Variants in EHHADH observed in about 807,000 individuals in gnomAD.
EHHADH encodes enoyl-CoA hydratase and 3-hydroxyacyl CoA dehydrogenase, also known as peroxisomal bifunctional enzyme.
Under a neutral mutation model 64.4 loss-of-function variants are expected in EHHADH, and 48 were observed. That is an observed-to-expected ratio of 0.75 (90% CI 0.59 to 0.95). The LOEUF is 0.95. Among genes scored for constraint, EHHADH ranks in the 40% least tolerant of loss-of-function variants. EHHADH has a pLI of 0.00. For missense variants in EHHADH, 854 were observed against 876.6 expected (o/e 0.97, Z 0.33); for synonymous variants, 308 against 326.7 (o/e 0.94, Z 0.62).
chr3:185,238,975 T>C (rs994918586), intron 2 of EHHADH, among the ~76,000 whole-genome samples: 5 of 152,188 alleles, frequency 3.3e-5, no homozygotes, highest in East Asian at 1.9e-4. Context: ...TGGTGAAAGA[T>C]AGGGGTCCAG....
At chr3:185,205,957 A>G (rs1480098548) in intron 5 of EHHADH, among the ~76,000 whole-genome samples, 2 of 152,168 alleles carry the variant, frequency 1.3e-5, no homozygotes, top group African/African-American at 4.8e-5. Flanking sequence ...GAGGGGCTGT[A>G]GGAACAAGCA....
chr3:185,239,240 T>C (rs1719383389), intron 2 of EHHADH, among the ~76,000 whole-genome samples: 3 of 152,160 alleles, frequency 2.0e-5, no homozygotes, highest in African/African-American at 7.2e-5. Context: ...TTTGTTCTTT[T>C]TCTTAGGATT....
At chr3:185,203,691 G>C (rs908608051) in intron 6 of EHHADH, among the ~76,000 whole-genome samples, 1 of 152,148 alleles carries the variant, frequency 6.6e-6, no homozygotes, top group Non-Finnish European at 1.5e-5. Context: ...GTTTTGAACA[G>C]GTGAAGTGAA....
chr3:185,252,675 G>T (rs1369344990), intron 1 of EHHADH, among the ~76,000 whole-genome samples: 2 of 152,036 alleles, frequency 1.3e-5, no homozygotes, highest in East Asian at 1.9e-4. Flanking sequence ...TGCATTTTTT[G>T]ACATTATTAA....
intron 2 of EHHADH, among the ~76,000 whole-genome samples, chr3:185,237,654 C>A (rs1369576343): frequency 2.0e-5 from 3 of 152,162 alleles, no homozygotes; most frequent in African/African-American, 7.2e-5. Context: ...GGATGAATTT[C>A]ATTAATCTAG....
rs767349451 is a variant in EHHADH at position 185,193,026 on chromosome 3, T to C, written c.1372A>G (p.Thr458Ala). ...ATCTTTTTTGATAAGTTCATAACAGTGGCAATGGTAGTGGGGGAAGAGTAT... is the reference window on the plus strand; with the variant it reads ...ATCTTTTTTGATAAGTTCATAACAGCGGCAATGGTAGTGGGGGAAGAGTAT... ...SQYSSPTTIA[T>A]VMNLSKKIKK... The change falls in exon 7 of 7, where the codon ACT becomes GCT. Residue 458 changes from threonine (T) to alanine (A), a missense_variant. Coordinates refer to ENST00000231887, the MANE Select transcript of EHHADH (RefSeq NM_001966.4). The C allele has an allele frequency of 1.2e-6, 2 of 1,614,204 alleles. No individual in the cohort carries two copies. Among genetic ancestry groups the C allele is most frequent in the East Asian group, 2.2e-5 (1 of 44,888 alleles).
At chr3:185,224,270 C>T (rs1056734741) in intron 4 of EHHADH, among the ~76,000 whole-genome samples, 4 of 151,754 alleles carry the variant, frequency 2.6e-5, no homozygotes, top group African/African-American at 4.8e-5. Context: ...GAGGCCGAGG[C>T]GGGTGGCTCA....
intron 2 of EHHADH, among the ~76,000 whole-genome samples, chr3:185,240,222 TTG>T (rs1491368099): frequency 8.1e-5 from 12 of 147,928 alleles, no homozygotes; most frequent in East Asian, 6.3e-4. Flanking sequence ...CCTTTAGTTT[TTG>T]TTTTTTTTTT....
rs538000850 is a variant in EHHADH at position 185,196,813 on chromosome 3, C to T, written c.911-3326G>A. Among the ~76,000 whole-genome samples, 18 of 152,156 alleles carry T rather than the reference C, an allele frequency of 1.2e-4. No individual in the cohort carries two copies. The South Asian group carries it at 3.3e-3, about 28-fold the overall frequency. On this transcript the variant is annotated intron_variant, in intron 6 of 6. Transcript: ENST00000231887. ...GCTCAGGAGTTCAAGACCAGCCTGGCCAACACGGCAAAATCCTGTTTCTAC... is the reference window on the plus strand; with the variant it reads ...GCTCAGGAGTTCAAGACCAGCCTGGTCAACACGGCAAAATCCTGTTTCTAC...
At chr3:185,230,094 G>A (rs1293614339) in intron 3 of EHHADH, among the ~76,000 whole-genome samples, 1 of 152,200 alleles carries the variant, frequency 6.6e-6, no homozygotes, top group Non-Finnish European at 1.5e-5. Flanking sequence ...TTAGCCATCA[G>A]AGGAATACAA....
intron 5 of EHHADH, among the ~76,000 whole-genome samples, chr3:185,212,811 T>A (rs2108634488): frequency 6.6e-6 from 1 of 152,168 alleles, no homozygotes; most frequent in South Asian, 2.1e-4. Flanking sequence ...CATAACTGAT[T>A]TACAAAAATA....
intron 5 of EHHADH, among the ~76,000 whole-genome samples, chr3:185,211,919 G>A (rs1190751579): frequency 1.3e-5 from 2 of 152,192 alleles, no homozygotes; most frequent in African/African-American, 4.8e-5. Context: ...ATTGTTAAAA[G>A]TGGCTAACAC....
At chr3:185,244,085 C>A (rs1190039878) in intron 2 of EHHADH, among the ~76,000 whole-genome samples, 1 of 152,108 alleles carries the variant, frequency 6.6e-6, no homozygotes, top group African/African-American at 2.4e-5. Context: ...TTGTATTGAA[C>A]CCTTTATTAT....
At chr3:185,251,080 C>T (rs911579024) in intron 1 of EHHADH, among the ~76,000 whole-genome samples, 4 of 152,018 alleles carry the variant, frequency 2.6e-5, no homozygotes, top group African/African-American at 4.8e-5. Flanking sequence ...ATGTAAAGGC[C>T]GCAGAAGTTA....
At chr3:185,213,161 T>A (rs376608532) in intron 5 of EHHADH, among the ~76,000 whole-genome samples, 286 of 126,454 alleles carry the variant, frequency 2.3e-3, no homozygotes, top group African/African-American at 8.5e-3. Flanking sequence ...ATAGGTAGTG[T>A]TTGCGTGTCA....
chr3:185,196,615 G>A (rs951355632), intron 6 of EHHADH, among the ~76,000 whole-genome samples: 7 of 152,056 alleles, frequency 4.6e-5, no homozygotes, highest in East Asian at 3.8e-4. Flanking sequence ...ACTCCAGCCC[G>A]GGCAACAAGA....
intron 1 of EHHADH, among the ~76,000 whole-genome samples, chr3:185,251,534 T>C (rs1719746824): frequency 1.3e-5 from 2 of 152,152 alleles, no homozygotes; most frequent in Non-Finnish European, 1.5e-5. Flanking sequence ...GGTGTTTATC[T>C]GAATGGAAGC....
intron 1 of EHHADH, among the ~76,000 whole-genome samples, chr3:185,249,773 T>C (rs1434699110): frequency 6.6e-6 from 1 of 152,258 alleles, no homozygotes; most frequent in African/African-American, 2.4e-5. Context: ...GAAAATGGAC[T>C]AACACAAAAA....
chr3:185,204,649 C>G lies in EHHADH; in HGVS notation c.677G>C (p.Gly226Ala). The change falls in exon 6 of 7, where the codon GGG (glycine) becomes GCG (alanine). Residue 226 changes from glycine to alanine, a missense_variant. Transcript: ENST00000231887. ...GACACAAGCCTCCTGTGCAAGACAC[C>G]CAGGGTGCTGCCTCCGCATCTTCAA... ...ALLKMRRQHP[G>A]CLAQEACVRA... The G allele has an allele frequency of 6.2e-7, 1 of 1,614,214 alleles. No homozygotes were observed. Among genetic ancestry groups the G allele is most frequent in the Non-Finnish European group, 8.5e-7 (1 of 1,180,044 alleles).
Sources: gnomAD v4.1 joint callset for allele counts (sites outside exome capture counted in the v4.1 genomes callset) on GRCh38, gnomAD v4.1.1 for gene constraint, MANE v1.5 for transcripts, NCBI Gene and HGNC (gene_info 2026-07-23, HGNC 2026-07-21) for gene names.